The following RBMS3 variants were observed in gnomAD, a reference collection of about 807,000 sequenced individuals.
RBMS3 encodes RNA binding motif single stranded interacting protein 3, also known as RNA-binding motif, single-stranded-interacting protein 3.
A neutral mutation model predicts 66.8 loss-of-function variants in RBMS3; 27 were observed. The ratio of observed to expected loss-of-function variants is 0.40; its 90% CI spans 0.30 to 0.56. The LOEUF (loss-of-function observed/expected upper bound fraction) is 0.56. Ranked by LOEUF, RBMS3 falls within the 20% of genes least tolerant of loss-of-function variation. RBMS3 has a pLI of 0.40. For missense variants in RBMS3, 513 were observed against 549.5 expected (o/e 0.93, Z 0.66); for synonymous variants, 188 against 183.0 (o/e 1.03, Z -0.22).
chr3:29,666,617 A>G (rs1174764432), intron 4 of RBMS3, among the ~76,000 whole-genome samples: 1 of 103,834 alleles, frequency 9.6e-6, no homozygotes, highest in East Asian at 2.9e-4. Context: ...AATCAAATAT[A>G]CGATTTGATT....
chr3:29,699,184 T>A (rs566514887), intron 4 of RBMS3, among the ~76,000 whole-genome samples: 1 of 152,276 alleles, frequency 6.6e-6, no homozygotes, highest in South Asian at 2.1e-4. Context: ...GAAGTACCAC[T>A]CTGTTGCCCA....
At chr3:29,536,091 G>A (rs904746802) in intron 3 of RBMS3, among the ~76,000 whole-genome samples, 4 of 152,104 alleles carry the variant, frequency 2.6e-5, no homozygotes, top group African/African-American at 4.8e-5. Flanking sequence ...AAAAAGACCT[G>A]AAAAGTTAGC....
chr3:29,620,308 A>T (rs2048821942), intron 4 of RBMS3, among the ~76,000 whole-genome samples: 1 of 152,208 alleles, frequency 6.6e-6, no homozygotes, highest in Admixed American at 6.5e-5. Flanking sequence ...TTTTTTATAC[A>T]TTCCAGGTTG....
intron 4 of RBMS3, among the ~76,000 whole-genome samples, chr3:29,631,896 A>T (rs2049295575): frequency 6.6e-6 from 1 of 151,750 alleles, no homozygotes; most frequent in Admixed American, 6.6e-5. Context: ...TTATCCTCTG[A>T]CTCTCCTCAC....
rs55943638 is a variant in RBMS3, at chr3:29,688,564, A to ATT, written c.400-51120_400-51119dup. ...TCACATCAGGCACAAAAGTTACAGG[A>ATT]TTTTTTTTTTTTTTTTTTTTTTTTT... is the stretch of plus-strand genomic sequence containing the variant. On this transcript the variant is annotated intron_variant, in intron 4 of 14. Coordinates refer to ENST00000383767, the MANE Select transcript of RBMS3 (RefSeq NM_001003793.3). Among the ~76,000 whole-genome samples, 91 of 67,114 alleles carry ATT rather than the reference A, an allele frequency of 1.4e-3. 16 individuals are homozygous for ATT. The highest frequency in any genetic ancestry group is 8.9e-3 in the Middle Eastern group (1 of 112). 44.0% of individuals were successfully genotyped at this position (67,114 alleles called of 152,430 possible).
chr3:29,696,536 C>G (rs1471336658), intron 4 of RBMS3, among the ~76,000 whole-genome samples: 2 of 152,174 alleles, frequency 1.3e-5, no homozygotes, highest in Admixed American at 6.5e-5. Flanking sequence ...AAGGATAGAT[C>G]TTTTGTTACA....
rs140057111 is a variant in RBMS3 at position 29,893,796 on chromosome 3, T to A, written c.792-3583T>A. ...TGATATTGGACCATCTTCTCTGGGCTCTCATTCCTCAGCTTCCTACCTCTT... is the reference window on the plus strand; with the variant it reads ...TGATATTGGACCATCTTCTCTGGGCACTCATTCCTCAGCTTCCTACCTCTT... On this transcript the variant is annotated intron_variant, in intron 8 of 14. Transcript: ENST00000383767. Among the ~76,000 whole-genome samples the A allele has an allele frequency of 5.3e-5, 8 of 151,640 alleles. No individual in the cohort carries two copies. In the East Asian group the frequency reaches 1.6e-3, roughly 30 times the overall value.
At chr3:29,622,107 AAAT>A (rs2048887804) in intron 4 of RBMS3, among the ~76,000 whole-genome samples, 1 of 152,196 alleles carries the variant, frequency 6.6e-6, no homozygotes, top group Admixed American at 6.5e-5. Flanking sequence ...CATGGAAAAA[AAAT>A]CAATGAATAT....
chr3:29,372,314 G>A (rs576012796), intron 1 of RBMS3, among the ~76,000 whole-genome samples: 2 of 151,944 alleles, frequency 1.3e-5, no homozygotes, highest in African/African-American at 2.4e-5. Flanking sequence ...GGGTGACAGA[G>A]CAAGACTCTG....
intron 6 of RBMS3, among the ~76,000 whole-genome samples, chr3:29,840,820 T>G (rs2058645463): frequency 6.6e-6 from 1 of 151,986 alleles, no homozygotes; most frequent in African/African-American, 2.4e-5. Flanking sequence ...GCAATGAATG[T>G]CCCTATAAAA....
intron 4 of RBMS3, among the ~76,000 whole-genome samples, chr3:29,636,974 T>A (rs988246959): frequency 4.0e-5 from 6 of 151,884 alleles, no homozygotes. Flanking sequence ...CATGTATGTG[T>A]GAAATGTAAC....
At chr3:29,421,743 G>A (rs2040745034) in intron 1 of RBMS3, among the ~76,000 whole-genome samples, 1 of 152,126 alleles carries the variant, frequency 6.6e-6, no homozygotes, top group South Asian at 2.1e-4. Flanking sequence ...GCTCCTCTCA[G>A]TAGCTAGAAT....
chr3:29,794,722 C>T (rs1323812960), intron 6 of RBMS3, among the ~76,000 whole-genome samples: 3 of 152,150 alleles, frequency 2.0e-5, no homozygotes, highest in Non-Finnish European at 4.4e-5. Flanking sequence ...AAGCACTACT[C>T]GTCTCTGAAG....
At chr3:29,737,059 C>T (rs1489878062) in intron 4 of RBMS3, among the ~76,000 whole-genome samples, 1 of 152,012 alleles carries the variant, frequency 6.6e-6, no homozygotes, top group East Asian at 1.9e-4. Flanking sequence ...TCACTGCAAG[C>T]TCCGCCTCCC....
intron 4 of RBMS3, among the ~76,000 whole-genome samples, chr3:29,704,937 C>T (rs1339488147): frequency 6.6e-6 from 1 of 152,128 alleles, no homozygotes; most frequent in Non-Finnish European, 1.5e-5. Context: ...TTCTTACTTC[C>T]AAATTCATAA....
chr3:29,318,234 T>C (rs770004834), intron 1 of RBMS3, among the ~76,000 whole-genome samples: 2 of 151,866 alleles, frequency 1.3e-5, no homozygotes, highest in African/African-American at 2.4e-5. Flanking sequence ...TCTTAAAATA[T>C]TTTTGTGGGC....
intron 4 of RBMS3, among the ~76,000 whole-genome samples, chr3:29,705,983 G>A (rs143139865): frequency 8.5e-4 from 130 of 152,272 alleles, no homozygotes; most frequent in Admixed American, 2.9e-3. Flanking sequence ...ACCAGCAAGG[G>A]CTCTGCCTTC....
chr3:29,845,413 T>C (rs974459760), intron 6 of RBMS3, among the ~76,000 whole-genome samples: 6 of 152,314 alleles, frequency 3.9e-5, no homozygotes, highest in African/African-American at 1.4e-4. Context: ...AAAAATATGG[T>C]AGTTTCATTG....
At chr3:29,990,072 A>T (rs1208912711) in intron 13 of RBMS3, among the ~76,000 whole-genome samples, 1 of 152,192 alleles carries the variant, frequency 6.6e-6, no homozygotes, top group Non-Finnish European at 1.5e-5. Context: ...GCCTTGAACC[A>T]GTGATTATAA....
Sources: allele counts gnomAD v4.1 joint callset (sites outside exome capture counted in the v4.1 genomes callset), GRCh38; gene constraint gnomAD v4.1.1; transcripts MANE v1.5; gene names NCBI Gene and HGNC (gene_info 2026-07-23, HGNC 2026-07-21).